The following POU6F2 variants were observed in gnomAD, a reference collection of about 807,000 sequenced individuals.
POU6F2 encodes POU domain, class 6, transcription factor 2.
A neutral mutation model predicts 71.3 loss-of-function variants in POU6F2; 31 were observed. The observed-to-expected ratio is 0.43, with a 90% CI of 0.33 to 0.59. The LOEUF (loss-of-function observed/expected upper bound fraction) is 0.59, where lower values mean the gene tolerates loss of function less well. Among genes scored for constraint, POU6F2 ranks in the 20% least tolerant of loss-of-function variants. The probability of loss-of-function intolerance (pLI) is 0.04; values close to 1 mark genes in which losing one functional copy is unlikely to be tolerated. For missense variants in POU6F2, 783 were observed against 856.8 expected (o/e 0.91, Z 1.07); for synonymous variants, 347 against 355.7 (o/e 0.98, Z 0.27).
chr7:39,298,648 T>G (rs2128764110), intron 4 of POU6F2, among the ~76,000 whole-genome samples: 1 of 152,308 alleles, frequency 6.6e-6, no homozygotes, highest in Non-Finnish European at 1.5e-5. Flanking sequence ...AGCAATCCCA[T>G]TACTGGGTAT....
At position 39,342,923 on chromosome 7, in the gene POU6F2, C is replaced by T. The variant is rs577697942; in HGVS notation, c.972+2908C>T. ...GTCTAAAGTATTATCCTTTCAGAGA[C>T]GCACAGGTAGGGGGATCACTTTGTT... On this transcript the variant is annotated intron_variant, in intron 5 of 9. Transcript: ENST00000518318. Among the ~76,000 whole-genome samples the T allele has an allele frequency of 3.5e-4, 54 of 152,248 alleles. 1 individual carries two copies. The highest frequency in any genetic ancestry group is 4.6e-4 in the Admixed American group (7 of 15,294).
chr7:39,105,315 G>A (rs1791655630), intron 2 of POU6F2, among the ~76,000 whole-genome samples: 1 of 152,094 alleles, frequency 6.6e-6, no homozygotes, highest in Non-Finnish European at 1.5e-5. Flanking sequence ...AAACAAGTTG[G>A]TGTGTTTGAA....
intron 2 of POU6F2, among the ~76,000 whole-genome samples, chr7:39,189,372 T>TTGTG (rs1793611462): frequency 1.4e-5 from 1 of 69,776 alleles, no homozygotes; most frequent in Admixed American, 1.9e-4. Flanking sequence ...TATTTTTTGT[T>TTGTG]TGTGTGTTTG....
At chr7:39,143,006 G>A (rs1792536874) in intron 2 of POU6F2, among the ~76,000 whole-genome samples, 1 of 152,144 alleles carries the variant, frequency 6.6e-6, no homozygotes, top group Admixed American at 6.5e-5. Flanking sequence ...AGATGCTGAA[G>A]ATACAGCATG....
intron 1 of POU6F2, among the ~76,000 whole-genome samples, chr7:39,003,583 C>CAAA (rs10650128): frequency 0.042 from 5,382 of 128,302 alleles, 263 homozygotes; most frequent in African/African-American, 0.12. Flanking sequence ...ACTAAAAATA[C>CAAA]AAAAAAAAAA....
intron 5 of POU6F2, among the ~76,000 whole-genome samples, chr7:39,385,088 A>C (rs1488693553): frequency 1.3e-5 from 2 of 152,256 alleles, no homozygotes; most frequent in Non-Finnish European, 2.9e-5. Flanking sequence ...CAGAGCCAGT[A>C]ATACAAACAC....
At position 39,375,775 on chromosome 7, in the gene POU6F2, C is replaced by T. The variant is rs573676603; in HGVS notation, c.973-30825C>T. On this transcript the variant is annotated intron_variant, in intron 5 of 9. Coordinates refer to ENST00000518318, the MANE Select transcript of POU6F2 (RefSeq NM_001370959.1). ...GACATTTAGCCCCAAGAGACATACC[C>T]AGAGCTGTCCTGTGACTAAGTGTTC... Among the ~76,000 whole-genome samples, 484 of 152,282 alleles carry T rather than the reference C, an allele frequency of 3.2e-3. 2 individuals are homozygous for T. The highest frequency in any genetic ancestry group is 4.8e-3 in the Non-Finnish European group (328 of 68,014).
chr7:39,263,168 A>C (rs1784170996), intron 4 of POU6F2, among the ~76,000 whole-genome samples: 2 of 152,230 alleles, frequency 1.3e-5, no homozygotes, highest in Admixed American at 6.5e-5. Context: ...ATTAAAAAGA[A>C]AACTAGAAAC....
chr7:38,993,433 A>T (rs1788653218), intron 1 of POU6F2, among the ~76,000 whole-genome samples: 1 of 152,170 alleles, frequency 6.6e-6, no homozygotes, highest in South Asian at 2.1e-4. Context: ...AGGATTGTGT[A>T]ACATTATAAA....
intron 1 of POU6F2, among the ~76,000 whole-genome samples, chr7:39,003,861 T>A (rs1475670180): frequency 6.6e-6 from 1 of 152,116 alleles, no homozygotes; most frequent in South Asian, 2.1e-4. Flanking sequence ...TAATGTGTAA[T>A]GTTAAGTGAA....
chr7:39,394,362 A>G (rs1489507004), intron 5 of POU6F2, among the ~76,000 whole-genome samples: 2 of 152,194 alleles, frequency 1.3e-5, no homozygotes, highest in Non-Finnish European at 2.9e-5. Context: ...TTATAACTTG[A>G]TGACTACCAA....
intron 4 of POU6F2, among the ~76,000 whole-genome samples, chr7:39,221,066 A>T (rs930719593): frequency 2.6e-5 from 4 of 152,164 alleles, no homozygotes; most frequent in African/African-American, 4.8e-5. Flanking sequence ...AAATTTTTTT[A>T]AAATATGGAC....
intron 1 of POU6F2, among the ~76,000 whole-genome samples, chr7:38,990,353 T>C (rs930900827): frequency 5.9e-5 from 9 of 152,162 alleles, no homozygotes; most frequent in African/African-American, 4.8e-5. Context: ...ATTTTAAACA[T>C]TGTGGCCCTG....
intron 8 of POU6F2, 141 bp downstream of exon 8, chr7:39,451,842 G>A: frequency 8.0e-6 from 9 of 1,127,798 alleles, no homozygotes; most frequent in South Asian, 1.6e-5. Context: ...GGCACTGCTA[G>A]GTCAATATTG....
intron 5 of POU6F2, among the ~76,000 whole-genome samples, chr7:39,365,596 A>G (rs896558815): frequency 6.6e-6 from 1 of 152,226 alleles, no homozygotes; most frequent in Non-Finnish European, 1.5e-5. Context: ...GTAAACAGAC[A>G]ACCCAGAGAG....
intron 1 of POU6F2, among the ~76,000 whole-genome samples, chr7:39,028,035 T>G (rs1789853669): frequency 6.6e-6 from 1 of 152,198 alleles, no homozygotes; most frequent in African/African-American, 2.4e-5. Flanking sequence ...TTTCCAAAAC[T>G]AAGTAATGTA....
chr7:39,172,669 G>A (rs1221190936), intron 2 of POU6F2, among the ~76,000 whole-genome samples: 1 of 148,486 alleles, frequency 6.7e-6, no homozygotes, highest in Non-Finnish European at 1.5e-5. Flanking sequence ...TGCCCAGACT[G>A]AAGTGCAGTG....
intron 1 of POU6F2, among the ~76,000 whole-genome samples, chr7:38,984,063 T>A (rs1030729860): frequency 2.5e-4 from 38 of 152,248 alleles, no homozygotes; most frequent in African/African-American, 8.4e-4. Flanking sequence ...AGCACTTTTT[T>A]AATTATAAGA....
intron 2 of POU6F2, among the ~76,000 whole-genome samples, chr7:39,183,539 C>G (rs1390666211): frequency 2.0e-5 from 3 of 152,136 alleles, no homozygotes; most frequent in African/African-American, 7.2e-5. Flanking sequence ...AGGGGGAAAC[C>G]TGCCCCCATG....
Sources: gnomAD v4.1 joint callset for allele counts (sites outside exome capture counted in the v4.1 genomes callset) on GRCh38, gnomAD v4.1.1 for gene constraint, MANE v1.5 for transcripts, NCBI Gene and HGNC (gene_info 2026-07-23, HGNC 2026-07-21) for gene names.